The following TTC34 variants were observed in gnomAD, a reference collection of about 807,000 sequenced individuals.
TTC34 encodes tetratricopeptide repeat domain 34.
In TTC34, 44 loss-of-function variants were observed where a neutral mutation model predicts 40.7. The observed-to-expected ratio is 1.08, with a 90% CI of 0.85 to 1.39. TTC34 has a LOEUF of 1.39. Ranked by LOEUF, TTC34 falls within the 40% of genes most tolerant of loss-of-function variation. The probability of loss-of-function intolerance (pLI) is 0.00; values close to 1 mark genes in which losing one functional copy is unlikely to be tolerated. For missense variants in TTC34, 884 were observed against 838.0 expected (o/e 1.05, Z -0.68); for synonymous variants, 422 against 398.6 (o/e 1.06, Z -0.70).
rs1246142985 is a variant in TTC34, at chr1:2,760,473, C to T, written c.2226+23136G>A. Reference sequence around the variant, plus strand: ...CAGGCGAGAATCTGACAGCCTGGAACACCACCCACATCCGCAGGTGAGCAT... The same window carrying T: ...CAGGCGAGAATCTGACAGCCTGGAATACCACCCACATCCGCAGGTGAGCAT... On this transcript the variant is annotated intron_variant, in intron 6 of 8. Coordinates refer to ENST00000401095, the Ensembl canonical transcript of TTC34. Among the ~76,000 whole-genome samples, 4 of 53,020 alleles carry T rather than the reference C, an allele frequency of 7.5e-5. 1 individual carries two copies. Among genetic ancestry groups the T allele is most frequent in the Non-Finnish European group, 1.2e-4 (4 of 34,034 alleles). 34.8% of individuals were successfully genotyped at this position (53,020 alleles called of 152,430 possible).
intron 6 of TTC34, among the ~76,000 whole-genome samples, chr1:2,773,025 C>T (rs868562074): frequency 9.5e-3 from 307 of 32,154 alleles, no homozygotes; most frequent in African/African-American, 0.023. Flanking sequence ...CACCCCCAGG[C>T]GAGCATCTGA....
At chr1:2,649,074 G>A (rs1273747748) in intron 6 of TTC34, among the ~76,000 whole-genome samples, 1 of 150,730 alleles carries the variant, frequency 6.6e-6, no homozygotes, top group African/African-American at 2.4e-5. Flanking sequence ...GCCTGGAACG[G>A]CACCTTCCAC....
chr1:2,645,157 T>G lies in TTC34; in HGVS notation c.2497+136A>C. 1.8e-6 allele frequency: 2 copies of G among 1,086,996 alleles called. No individual in the cohort carries two copies. Among genetic ancestry groups the G allele is most frequent in the Non-Finnish European group, 2.4e-6 (2 of 819,112 alleles). 67.3% of individuals were successfully genotyped at this position (1,086,996 alleles called of 1,614,324 possible). On this transcript the variant is annotated intron_variant, in intron 7 of 8. Coordinates refer to ENST00000401095, the Ensembl canonical transcript of TTC34. The surrounding 1 kb of genome is among the most constrained non-coding windows in gnomAD (Gnocchi z 4.7). The stretch of plus-strand genomic sequence containing the variant: ...GGAGCAGGGCCAGAGGTCATGGGAT[T>G]TGGGGTGGAAGGGACCTTGGAAGCT...
At chr1:2,680,560 G>A (rs61763479) in intron 6 of TTC34, among the ~76,000 whole-genome samples, 55 of 95,456 alleles carry the variant, frequency 5.8e-4, no homozygotes, top group Non-Finnish European at 6.6e-4. Flanking sequence ...AGCATCTGAC[G>A]GCCTGGAACA....
intron 4 of TTC34, 27 bp downstream of exon 4, chr1:2,787,454 C>T: frequency 6.9e-7 from 1 of 1,449,466 alleles, no homozygotes; most frequent in Non-Finnish European, 9.1e-7. Context: ...TTCCACCTGC[C>T]CTCTGTCACC....
At chr1:2,657,340 GC>G (rs1639383002) in intron 6 of TTC34, among the ~76,000 whole-genome samples, 1 of 84,820 alleles carries the variant, frequency 1.2e-5, no homozygotes, top group African/African-American at 4.0e-5. Flanking sequence ...AGCACCCATA[GC>G]CCAAGGTGAG....
chr1:2,792,924 G>A (rs1248348191), intron 2 of TTC34, among the ~76,000 whole-genome samples: 1 of 152,226 alleles, frequency 6.6e-6, no homozygotes, highest in African/African-American at 2.4e-5. Flanking sequence ...CATTGTTCAA[G>A]GGTCAGCTAC....
At chr1:2,756,671 A>T (rs1641516931) in intron 6 of TTC34, among the ~76,000 whole-genome samples, 6 of 4,176 alleles carry the variant, frequency 1.4e-3, no homozygotes, top group Admixed American at 3.3e-3. Context: ...CCACACCCCC[A>T]GGTGAGCAGC....
chr1:2,655,574 C>A (rs1307866537), intron 6 of TTC34, among the ~76,000 whole-genome samples: 1 of 151,498 alleles, frequency 6.6e-6, no homozygotes, highest in African/African-American at 2.4e-5. Flanking sequence ...CTCTCACAAC[C>A]CCAGGTTAGC....
In TTC34 at chr1:2,645,131, G is replaced by C. The variant is rs981814975; in HGVS notation, c.2497+162C>G. Reference sequence around the variant, plus strand: ...CCTTTTGAACGCCAGGCCTCACACAGGGAGCAGGGCCAGAGGTCATGGGAT... The same window carrying C: ...CCTTTTGAACGCCAGGCCTCACACACGGAGCAGGGCCAGAGGTCATGGGAT... On this transcript the variant is annotated intron_variant, in intron 7 of 8. Coordinates refer to ENST00000401095, the Ensembl canonical transcript of TTC34. The surrounding 1 kb of genome is among the most constrained non-coding windows in gnomAD (Gnocchi z 4.7). Among the ~76,000 whole-genome samples, 1 of 152,200 alleles carries C rather than the reference G, an allele frequency of 6.6e-6. No homozygotes were observed. The highest frequency in any genetic ancestry group is 2.4e-5 in the African/African-American group (1 of 41,452).
rs1266843829 is a variant in TTC34 at position 2,752,612 on chromosome 1, C to A, written c.2226+30997G>T. On this transcript the variant is annotated intron_variant, in intron 6 of 8. Coordinates refer to ENST00000401095, the Ensembl canonical transcript of TTC34. ...CTGACAACCTGGAACAGGACAAACA[C>A]CCCCAGGCGAGCATCTGACACCCTG... Among the ~76,000 whole-genome samples the A allele has an allele frequency of 4.6e-5, 5 of 108,150 alleles. 2 individuals are homozygous for A. Among genetic ancestry groups the A allele is most frequent in the African/African-American group, 8.4e-5 (2 of 23,742 alleles). The allele number at this position is 108,150 out of a possible 152,430, so 71.0% of individuals were successfully genotyped here.
At chr1:2,644,967 T>C (rs1321442327) in intron 7 of TTC34, among the ~76,000 whole-genome samples, 1 of 152,138 alleles carries the variant, frequency 6.6e-6, no homozygotes, top group African/African-American at 2.4e-5. Flanking sequence ...TGCCATCCCG[T>C]GGGTGCCCGA....
At chr1:2,779,868 A>G (rs1268270730) in intron 6 of TTC34, among the ~76,000 whole-genome samples, 1 of 152,032 alleles carries the variant, frequency 6.6e-6, no homozygotes, top group East Asian at 1.9e-4. Flanking sequence ...CTTATTGTCC[A>G]TTTGTATATC....
intron 6 of TTC34, among the ~76,000 whole-genome samples, chr1:2,779,735 C>G (rs545492398): frequency 4.3e-4 from 65 of 152,182 alleles, no homozygotes; most frequent in South Asian, 1.2e-3. Context: ...CACATCCTCA[C>G]CAGTGCTTGT....
At chr1:2,748,517 A>G (rs2100422435) in intron 6 of TTC34, among the ~76,000 whole-genome samples, 3 of 140,204 alleles carry the variant, frequency 2.1e-5, no homozygotes, top group South Asian at 2.1e-4. Context: ...AGCAGCACCC[A>G]CACCCTCAGG....
intron 6 of TTC34, among the ~76,000 whole-genome samples, chr1:2,691,983 A>C (rs1177955323): frequency 2.6e-5 from 2 of 78,356 alleles, no homozygotes; most frequent in African/African-American, 8.9e-5. Flanking sequence ...CAGCTCCCAC[A>C]CCCCCAGGCG....
At chr1:2,643,679 A>G (rs930462976) in intron 8 of TTC34, among the ~76,000 whole-genome samples, 1 of 151,882 alleles carries the variant, frequency 6.6e-6, no homozygotes, top group Non-Finnish European at 1.5e-5. Flanking sequence ...CCCCCTCTGC[A>G]GCACCGAACT....
In TTC34 at chr1:2,787,468, C is replaced by A. The variant is rs1322046887; in HGVS notation, c.1854+13G>T. 5 of 1,466,458 alleles carry A rather than the reference C, an allele frequency of 3.4e-6. No individual in the cohort carries two copies. In the East Asian group the frequency reaches 1.0e-4, roughly 29 times the overall value. The allele number at this position is 1,466,458 out of a possible 1,614,324, so 90.8% of individuals were successfully genotyped here. A position where few individuals can be genotyped will look rare whatever the true frequency, so the allele number is the denominator to read the frequency against. Reference sequence around the variant, plus strand: ...TTTCCACCTGCCCTCTGTCACCCCCCAGGCCTCCTCACCTGGTTGGCGTCA... The same window carrying A: ...TTTCCACCTGCCCTCTGTCACCCCCAAGGCCTCCTCACCTGGTTGGCGTCA... On this transcript the variant is annotated intron_variant, in intron 4 of 8. Transcript: ENST00000401095.
intron 6 of TTC34, among the ~76,000 whole-genome samples, chr1:2,777,559 C>G (rs1643283619): frequency 6.6e-6 from 1 of 152,164 alleles, no homozygotes; most frequent in South Asian, 2.1e-4. Flanking sequence ...GTGGTGAAAC[C>G]AAGGCTGAGA....
Sources: gnomAD v4.1 joint callset for allele counts (sites outside exome capture counted in the v4.1 genomes callset) on GRCh38, gnomAD v4.1.1 for gene constraint, Gnocchi (gnomAD v3.1) non-coding constraint, MANE v1.5 for transcripts, NCBI Gene and HGNC (gene_info 2026-07-23, HGNC 2026-07-21) for gene names.